PITPNC1: variants seen among roughly 807,000 people sequenced by gnomAD.
PITPNC1 encodes phosphatidylinositol transfer protein cytoplasmic 1.
PITPNC1 carries 18 observed loss-of-function variants against 44.7 expected under a neutral mutation model. The ratio of observed to expected loss-of-function variants is 0.40; its 90% CI spans 0.28 to 0.60. The LOEUF (loss-of-function observed/expected upper bound fraction) is 0.60, where lower values mean the gene tolerates loss of function less well. Ranked by LOEUF, PITPNC1 falls within the 20% of genes least tolerant of loss-of-function variation. The probability of loss-of-function intolerance (pLI) is 0.39; values close to 1 mark genes in which losing one functional copy is unlikely to be tolerated. For missense variants in PITPNC1, 290 were observed against 418.4 expected (o/e 0.69, Z 2.68); for synonymous variants, 141 against 149.6 (o/e 0.94, Z 0.42).
At chr17:67,534,385 C>T (rs1051811467) in intron 2 of PITPNC1, among the ~76,000 whole-genome samples, 2 of 152,112 alleles carry the variant, frequency 1.3e-5, no homozygotes, top group African/African-American at 4.8e-5. Flanking sequence ...CACCTATAAT[C>T]CCAGCACTTT....
At position 67,486,894 on chromosome 17, in the gene PITPNC1, G is replaced by A. The variant is rs1273306483; in HGVS notation, c.49-45908G>A. 3.3e-5 allele frequency among the ~76,000 whole-genome samples: 5 copies of A among 151,924 alleles called. No individual in the cohort carries two copies. In the East Asian group the frequency reaches 7.8e-4, roughly 24 times the overall value. On this transcript the variant is annotated intron_variant, in intron 1 of 8. Coordinates refer to ENST00000581322, the MANE Select transcript of PITPNC1 (RefSeq NM_012417.4). ...CTAAAAATACAAAAATTAGCTGAGC[G>A]TGGTGGTGCATGTCTGTAATCCCAG...
intron 1 of PITPNC1, among the ~76,000 whole-genome samples, chr17:67,407,249 C>T (rs1293693897): frequency 1.3e-5 from 2 of 152,156 alleles, no homozygotes; most frequent in African/African-American, 4.8e-5. Flanking sequence ...ATTTGCATTT[C>T]CCTAATGACT....
intron 1 of PITPNC1, among the ~76,000 whole-genome samples, chr17:67,433,085 G>GC (rs1203986066): frequency 6.6e-6 from 1 of 152,210 alleles, no homozygotes; most frequent in African/African-American, 2.4e-5. Flanking sequence ...CGACAGTTGA[G>GC]CAGAGACCTG....
chr17:67,662,989 T>G (rs1198527968), intron 6 of PITPNC1, among the ~76,000 whole-genome samples: 1 of 152,194 alleles, frequency 6.6e-6, no homozygotes, highest in Non-Finnish European at 1.5e-5. Flanking sequence ...AGCACAGTGA[T>G]GAACATATGA....
intron 6 of PITPNC1, among the ~76,000 whole-genome samples, chr17:67,642,027 G>A (rs1330805207): frequency 6.6e-6 from 1 of 151,948 alleles, no homozygotes; most frequent in African/African-American, 2.4e-5. Context: ...TAACAAAATT[G>A]CCCACACCCT....
chr17:67,588,237 C>G (rs147754837), intron 5 of PITPNC1, among the ~76,000 whole-genome samples: 21 of 152,308 alleles, frequency 1.4e-4, no homozygotes, highest in South Asian at 4.1e-4. Context: ...CTCCTGACCT[C>G]AAGTGATCTG....
intron 1 of PITPNC1, among the ~76,000 whole-genome samples, chr17:67,460,536 G>C (rs2039320440): frequency 6.6e-6 from 1 of 151,578 alleles, no homozygotes; most frequent in African/African-American, 2.4e-5. Flanking sequence ...CAATTCTCCT[G>C]CCTCAGCCTC....
intron 4 of PITPNC1, among the ~76,000 whole-genome samples, chr17:67,568,890 TTAGCTTACGTTTTTGCCAC>T (rs954050810): frequency 1.3e-5 from 2 of 152,244 alleles, no homozygotes; most frequent in Non-Finnish European, 2.9e-5. Flanking sequence ...TTAATACATT[TTAGCTTACGTTTTTGCCAC>T]AGGCTAGGTG....
At chr17:67,495,087 G>C (rs1490185890) in intron 1 of PITPNC1, among the ~76,000 whole-genome samples, 1 of 89,346 alleles carries the variant, frequency 1.1e-5, no homozygotes, top group Non-Finnish European at 2.2e-5. Context: ...GACGGAGTCT[G>C]GCTCTGTCGC....
intron 1 of PITPNC1, among the ~76,000 whole-genome samples, chr17:67,438,239 G>T (rs1008975596): frequency 6.6e-6 from 1 of 151,896 alleles, no homozygotes; most frequent in Admixed American, 6.6e-5. Context: ...TCATTCCGCT[G>T]TGTGCCTTCT....
intron 6 of PITPNC1, among the ~76,000 whole-genome samples, chr17:67,634,899 A>G (rs2042015586): frequency 6.6e-6 from 1 of 152,130 alleles, no homozygotes; most frequent in South Asian, 2.1e-4. Flanking sequence ...CTAAAAATAT[A>G]AAAATTGCCC....
chr17:67,563,436 C>T (rs1437242367), intron 4 of PITPNC1, among the ~76,000 whole-genome samples: 1 of 152,202 alleles, frequency 6.6e-6, no homozygotes, highest in Non-Finnish European at 1.5e-5. Context: ...CTCCTCAACT[C>T]TTCCATTTAA....
intron 5 of PITPNC1, among the ~76,000 whole-genome samples, chr17:67,601,329 A>G (rs1046942659): frequency 5.9e-5 from 9 of 152,216 alleles, no homozygotes; most frequent in African/African-American, 2.2e-4. Context: ...GAGAGATTCT[A>G]AAACCCAGGG....
chr17:67,597,352 G>A lies in PITPNC1; in HGVS notation c.366+19095G>A, dbSNP rs1205829642. Among the ~76,000 whole-genome samples the A allele has an allele frequency of 3.9e-5, 6 of 152,020 alleles. No homozygotes were observed. The highest frequency in any genetic ancestry group is 1.3e-4 in the Admixed American group (2 of 15,262). ...GTATCTTACTTGAAGTCAGGAATTC[G>A]AGACCAGCCTGGCCAACATGGCAAA... On this transcript the variant is annotated intron_variant, in intron 5 of 8. Transcript: ENST00000581322. This position sits in a 1 kb window ranked among gnomAD's most constrained non-coding sequence, Gnocchi z 4.0.
chr17:67,655,435 C>T (rs2042252605), intron 6 of PITPNC1, among the ~76,000 whole-genome samples: 1 of 151,852 alleles, frequency 6.6e-6, no homozygotes, highest in South Asian at 2.1e-4. Context: ...TGGCAGGCGC[C>T]TGTGGTCCCA....
chr17:67,578,275 C>A lies in PITPNC1; in HGVS notation c.366+18C>A. The A allele has an allele frequency of 6.4e-7, 1 of 1,562,480 alleles. No individual in the cohort carries two copies. The highest frequency in any genetic ancestry group is 1.1e-5 in the South Asian group (1 of 90,074). The stretch of plus-strand genomic sequence containing the variant: ...ATGACACCGTGAGTAGCCCCTCCTT[C>A]CATGCTGCGCTCGCCTCGTGGGCTC... On this transcript the variant is annotated intron_variant, in intron 5 of 8. Transcript: ENST00000581322.
intron 5 of PITPNC1, among the ~76,000 whole-genome samples, chr17:67,596,484 G>C (rs1374190842): frequency 6.8e-6 from 1 of 146,298 alleles, no homozygotes; most frequent in Non-Finnish European, 1.6e-5. Flanking sequence ...CTATTTCTTT[G>C]TTGTTGTTGT....
chr17:67,407,814 A>G (rs2038423682), intron 1 of PITPNC1, among the ~76,000 whole-genome samples: 1 of 151,872 alleles, frequency 6.6e-6, no homozygotes, highest in Non-Finnish European at 1.5e-5. Flanking sequence ...AAAGAAAAAC[A>G]AAAAAAACTA....
At chr17:67,636,724 G>A (rs979051873) in intron 6 of PITPNC1, among the ~76,000 whole-genome samples, 7 of 152,204 alleles carry the variant, frequency 4.6e-5, no homozygotes, top group Admixed American at 6.5e-5. Context: ...CAAAGGAAGA[G>A]GGGTGAGTTT....
Sources: gnomAD v4.1 joint callset for allele counts (sites outside exome capture counted in the v4.1 genomes callset) on GRCh38, gnomAD v4.1.1 for gene constraint, Gnocchi (gnomAD v3.1) non-coding constraint, MANE v1.5 for transcripts, NCBI Gene and HGNC (gene_info 2026-07-23, HGNC 2026-07-21) for gene names.